ZRANB3: variants seen among roughly 807,000 people sequenced by gnomAD.
ZRANB3 encodes zinc finger RANBP2-type containing 3.
A neutral mutation model predicts 133.8 loss-of-function variants in ZRANB3; 125 were observed. The observed-to-expected ratio is 0.93, with a 90% confidence interval of 0.81 to 1.08. The LOEUF (loss-of-function observed/expected upper bound fraction) is 1.08. Ranked by LOEUF, ZRANB3 falls within the 50% of genes least tolerant of loss-of-function variation. The pLI is 0.00. For synonymous variants in ZRANB3, 387 were observed against 432.7 expected (o/e 0.89, Z 1.31); for missense variants, 1,229 against 1,275.5 (o/e 0.96, Z 0.56).
intron 2 of ZRANB3, among the ~76,000 whole-genome samples, chr2:135,484,043 A>T (rs557378592): frequency 6.6e-6 from 1 of 152,064 alleles, no homozygotes; most frequent in African/African-American, 2.4e-5. Context: ...TATGTGGTCA[A>T]TTTTGGAATA....
At chr2:135,368,517 T>C (rs912046000) in intron 3 of ZRANB3, among the ~76,000 whole-genome samples, 2 of 151,954 alleles carry the variant, frequency 1.3e-5, no homozygotes, top group Non-Finnish European at 2.9e-5. Flanking sequence ...CAAAATATTA[T>C]GAAAATGTTG....
intron 2 of ZRANB3, among the ~76,000 whole-genome samples, chr2:135,464,275 C>A (rs999645680): frequency 3.3e-5 from 5 of 152,132 alleles, no homozygotes; most frequent in Non-Finnish European, 5.9e-5. Context: ...TTCCTACCTC[C>A]TTTTGTTCTT....
intron 1 of ZRANB3, among the ~76,000 whole-genome samples, chr2:135,512,232 C>G (rs1425440841): frequency 6.6e-6 from 1 of 152,092 alleles, no homozygotes; most frequent in South Asian, 2.1e-4. Context: ...GAAATACTTT[C>G]TATCTTTTTA....
At chr2:135,427,313 C>T (rs1689135599) in intron 2 of ZRANB3, among the ~76,000 whole-genome samples, 1 of 152,078 alleles carries the variant, frequency 6.6e-6, no homozygotes, top group Non-Finnish European at 1.5e-5. Context: ...ACCTGGAAAA[C>T]TCGATTGTCT....
intron 1 of ZRANB3, among the ~76,000 whole-genome samples, chr2:135,513,358 T>C (rs1161910867): frequency 1.3e-5 from 2 of 152,164 alleles, no homozygotes; most frequent in South Asian, 2.1e-4. Flanking sequence ...ACTAGCATAA[T>C]GACAACCAGC....
intron 2 of ZRANB3, among the ~76,000 whole-genome samples, chr2:135,458,600 G>A (rs1345104192): frequency 3.3e-5 from 5 of 152,044 alleles, no homozygotes; most frequent in Non-Finnish European, 7.4e-5. Flanking sequence ...CTCTACTGAT[G>A]ACAGAGGAAA....
In ZRANB3 at chr2:135,200,259, T is replaced by A. The variant is rs1012993325; in HGVS notation, c.*83A>T. 5 of 1,142,726 alleles carry A rather than the reference T, an allele frequency of 4.4e-6. No homozygotes were observed. The Admixed American group carries it at 9.1e-5, about 21-fold the overall frequency. The allele number at this position is 1,142,726 out of a possible 1,614,324, so 70.8% of individuals were successfully genotyped here. A position where few individuals can be genotyped will look rare whatever the true frequency, so the allele number is the denominator to read the frequency against. ...TTGTTCTGAAAATTTTTACTCTCGATATATTAAACAAACATGGAAAACTTC... is the reference window on the plus strand; with the variant it reads ...TTGTTCTGAAAATTTTTACTCTCGAAATATTAAACAAACATGGAAAACTTC... On this transcript the variant is annotated 3_prime_UTR_variant, in exon 21 of 21. Transcript: ENST00000264159.
intron 2 of ZRANB3, among the ~76,000 whole-genome samples, chr2:135,478,950 T>C (rs1218909509): frequency 6.6e-6 from 1 of 151,984 alleles, no homozygotes; most frequent in African/African-American, 2.4e-5. Context: ...TACTTATATA[T>C]GTTATATATA....
At chr2:135,316,099 C>G (rs958532460) in intron 6 of ZRANB3, among the ~76,000 whole-genome samples, 1 of 152,010 alleles carries the variant, frequency 6.6e-6, no homozygotes, top group Non-Finnish European at 1.5e-5. Flanking sequence ...TAAAAGAACA[C>G]AAAATTACTA....
intron 18 of ZRANB3, among the ~76,000 whole-genome samples, 156 bp from the exon 19 acceptor site, chr2:135,207,992 C>T (rs1693949875): frequency 6.6e-6 from 1 of 152,110 alleles, no homozygotes; most frequent in South Asian, 2.1e-4. Context: ...CTCTATATTC[C>T]ATGCCAAGTA....
At chr2:135,381,542 T>A (rs1341865023) in intron 3 of ZRANB3, among the ~76,000 whole-genome samples, 2 of 152,206 alleles carry the variant, frequency 1.3e-5, no homozygotes, top group East Asian at 3.8e-4. Context: ...ACGGATAGAC[T>A]GCCTCTCACG....
chr2:135,489,243 A>C (rs1263025917), intron 2 of ZRANB3, among the ~76,000 whole-genome samples: 2 of 143,682 alleles, frequency 1.4e-5, no homozygotes, highest in Non-Finnish European at 3.0e-5. Flanking sequence ...TCTCACTCAT[A>C]GGTGGGAACT....
In ZRANB3 at chr2:135,504,428, T is replaced by G; in HGVS notation, c.62A>C (p.Glu21Ala). The G allele has an allele frequency of 6.2e-7, 1 of 1,613,720 alleles. No individual in the cohort carries two copies. The highest frequency in any genetic ancestry group is 8.5e-7 in the Non-Finnish European group (1 of 1,179,752). The stretch of plus-strand genomic sequence containing the variant: ...CAAAAAATCCAGCAGATTATCAGAT[T>G]CATTTGTCACACAAGAAATGTGAGG... ...LTPHISCVTN[E>A]SDNLLDFLPD... The change falls in exon 2 of 21, where the codon GAA (glutamate) becomes GCA (alanine). Residue 21 changes from glutamate (E) to alanine (A), a missense_variant. Transcript: ENST00000264159.
intron 17 of ZRANB3, among the ~76,000 whole-genome samples, chr2:135,216,768 G>A (rs558898160): frequency 1.3e-5 from 2 of 152,232 alleles, no homozygotes; most frequent in South Asian, 4.2e-4. Flanking sequence ...CAAGGATTGG[G>A]CTACAAAACA....
intron 16 of ZRANB3, 125 bp from the exon 17 acceptor site, chr2:135,217,732 C>T (rs1277615165): frequency 8.7e-7 from 1 of 1,154,998 alleles, no homozygotes; most frequent in Middle Eastern, 2.2e-4. Flanking sequence ...CTTTTGAGTT[C>T]CATAACCTAA....
intron 7 of ZRANB3, among the ~76,000 whole-genome samples, chr2:135,314,570 T>C (rs1250150016): frequency 3.9e-5 from 6 of 152,192 alleles, no homozygotes; most frequent in Admixed American, 1.3e-4. Flanking sequence ...ATTAGTAAAC[T>C]GGTTTTCTGA....
chr2:135,379,302 T>A (rs994628473), intron 3 of ZRANB3, among the ~76,000 whole-genome samples: 2 of 152,058 alleles, frequency 1.3e-5, no homozygotes, highest in African/African-American at 4.8e-5. Context: ...AACACACACT[T>A]TTAATGCTAT....
intron 2 of ZRANB3, among the ~76,000 whole-genome samples, chr2:135,446,911 T>C (rs1252077772): frequency 1.3e-5 from 2 of 152,244 alleles, no homozygotes; most frequent in African/African-American, 4.8e-5. Context: ...ATTTAATGTT[T>C]AATTTTCCTA....
At chr2:135,374,951 A>G (rs1218717736) in intron 3 of ZRANB3, among the ~76,000 whole-genome samples, 2 of 152,228 alleles carry the variant, frequency 1.3e-5, no homozygotes, top group East Asian at 3.8e-4. Context: ...AGCATATGAA[A>G]AGATCCTCAA....
Sources: gnomAD v4.1 joint callset for allele counts (sites outside exome capture counted in the v4.1 genomes callset) on GRCh38, gnomAD v4.1.1 for gene constraint, MANE v1.5 for transcripts, NCBI Gene and HGNC (gene_info 2026-07-23, HGNC 2026-07-21) for gene names.